Variants in RAD54L2 observed in about 807,000 individuals in gnomAD.
RAD54L2 encodes helicase ARIP4.
Under a neutral mutation model 138.4 loss-of-function variants are expected in RAD54L2, and 27 were observed. The ratio of observed to expected loss-of-function variants is 0.20; its 90% CI spans 0.14 to 0.27. The LOEUF (loss-of-function observed/expected upper bound fraction) is 0.27, where lower values mean the gene tolerates loss of function less well. Among genes scored for constraint, RAD54L2 ranks in the 10% least tolerant of loss-of-function variants. RAD54L2 has a pLI of 1.00. For missense variants in RAD54L2, 1,396 were observed against 1,890.2 expected (o/e 0.74, Z 4.85); for synonymous variants, 644 against 723.2 (o/e 0.89, Z 1.76).
At chr3:51,611,339 A>G (rs1028597488) in intron 3 of RAD54L2, 13 of 151,902 alleles carry the variant, frequency 8.6e-5, no homozygotes, top group Admixed American at 5.9e-4. Flanking sequence ...TGATACATGC[A>G]TACAATGCAT....
At chr3:51,630,191 AG>A (rs1455029416) in intron 5 of RAD54L2, 80 bp from the exon 6 acceptor site, 59 of 1,061,654 alleles carry the variant, frequency 5.6e-5, no homozygotes, top group Middle Eastern at 2.0e-4. Flanking sequence ...ATAAAAGAAA[AG>A]GGGTGGTGAA....
chr3:51,573,008 T>C (rs548804306), intron 2 of RAD54L2, among the ~76,000 whole-genome samples: 1 of 152,232 alleles, frequency 6.6e-6, no homozygotes, highest in African/African-American at 2.4e-5. Flanking sequence ...TATGTGTGTG[T>C]GTAGGAGCCT....
At chr3:51,578,829 A>G (rs1699542072) in intron 2 of RAD54L2, among the ~76,000 whole-genome samples, 1 of 152,156 alleles carries the variant, frequency 6.6e-6, no homozygotes, top group Admixed American at 6.6e-5. Flanking sequence ...TTAACAGCTC[A>G]GTGGAGGGTC....
chr3:51,546,703 G>A (rs1003358739), intron 2 of RAD54L2, among the ~76,000 whole-genome samples: 1 of 151,202 alleles, frequency 6.6e-6, no homozygotes, highest in Non-Finnish European at 1.5e-5. Context: ...AAAAATTGAT[G>A]ACATTTTGTG....
intron 7 of RAD54L2, among the ~76,000 whole-genome samples, chr3:51,631,285 G>A (rs953093591): frequency 6.6e-6 from 1 of 152,174 alleles, no homozygotes; most frequent in Non-Finnish European, 1.5e-5. Context: ...TAGAAGAGAT[G>A]TGAGAGTCAG....
At chr3:51,574,768 T>C (rs536507890) in intron 2 of RAD54L2, among the ~76,000 whole-genome samples, 11 of 152,336 alleles carry the variant, frequency 7.2e-5, no homozygotes, top group Admixed American at 4.6e-4. Context: ...ATGGGTAGAT[T>C]GTAAAAATTT....
At chr3:51,589,120 C>T (rs1164336414) in intron 2 of RAD54L2, among the ~76,000 whole-genome samples, 4 of 152,220 alleles carry the variant, frequency 2.6e-5, no homozygotes, top group Non-Finnish European at 5.9e-5. Flanking sequence ...AATGGGGTTA[C>T]ATCCTGATAA....
At chr3:51,629,629 C>T (rs760119360) in intron 5 of RAD54L2, among the ~76,000 whole-genome samples, 156 bp downstream of exon 5, 1 of 151,880 alleles carries the variant, frequency 6.6e-6, no homozygotes, top group African/African-American at 2.4e-5. Flanking sequence ...GAGGCTGAGG[C>T]AGATGGATTG....
intron 3 of RAD54L2, among the ~76,000 whole-genome samples, chr3:51,627,172 C>T (rs532543082): frequency 6.6e-6 from 1 of 152,266 alleles, no homozygotes; most frequent in African/African-American, 2.4e-5. Context: ...TAGAGTCATA[C>T]CACTGGGTAT....
chr3:51,559,318 A>G (rs1040202852), intron 2 of RAD54L2, among the ~76,000 whole-genome samples: 2 of 152,212 alleles, frequency 1.3e-5, no homozygotes, highest in Non-Finnish European at 2.9e-5. Flanking sequence ...TTGAATCTTA[A>G]TGAGGGTAGA....
At chr3:51,628,351 T>C (rs186506207) in intron 4 of RAD54L2, among the ~76,000 whole-genome samples, 16 of 152,100 alleles carry the variant, frequency 1.1e-4, no homozygotes, top group Non-Finnish European at 1.3e-4. Context: ...GAAAATAATA[T>C]AGAATCCCTG....
chr3:51,667,934 T>C lies in RAD54L2; in HGVS notation c.*4514T>C, dbSNP rs1348003079. 1 of 152,236 alleles carries C rather than the reference T, an allele frequency of 6.6e-6. No individual in the cohort carries two copies. The highest frequency in any genetic ancestry group is 2.4e-5 in the African/African-American group (1 of 41,438). 9.4% of individuals were successfully genotyped at this position (152,236 alleles called of 1,614,324 possible). ...GGAGGGGTAGCCAAGCAGGCTGCAG[T>C]GTCTGCAATGCAGAGGGCTTGGGGA... On this transcript the variant is annotated 3_prime_UTR_variant, in exon 23 of 23. Coordinates refer to ENST00000684192, the MANE Select transcript of RAD54L2 (RefSeq NM_015106.4).
chr3:51,589,743 C>G (rs1699801221), intron 2 of RAD54L2, among the ~76,000 whole-genome samples: 2 of 151,450 alleles, frequency 1.3e-5, no homozygotes, highest in Middle Eastern at 6.8e-3. Flanking sequence ...TAAATAGATA[C>G]AGAGAGTTGG....
chr3:51,565,574 C>A (rs1699196581), intron 2 of RAD54L2, among the ~76,000 whole-genome samples: 1 of 152,064 alleles, frequency 6.6e-6, no homozygotes, highest in African/African-American at 2.4e-5. Flanking sequence ...CTCCCCAGTT[C>A]AAGCATTTCT....
intron 2 of RAD54L2, among the ~76,000 whole-genome samples, chr3:51,561,749 TTCCC>T (rs1219109913): frequency 6.6e-6 from 1 of 151,854 alleles, no homozygotes; most frequent in Admixed American, 6.6e-5. Context: ...TTATTTTTTG[TTCCC>T]TATGTTGCCC....
chr3:51,621,322 G>A (rs1208130592), intron 3 of RAD54L2, among the ~76,000 whole-genome samples: 1 of 152,196 alleles, frequency 6.6e-6, no homozygotes, highest in African/African-American at 2.4e-5. Context: ...TAAGGAACTG[G>A]TTTAGACATG....
intron 3 of RAD54L2, among the ~76,000 whole-genome samples, chr3:51,593,905 T>C (rs941323947): frequency 1.3e-5 from 2 of 152,144 alleles, no homozygotes; most frequent in African/African-American, 4.8e-5. Context: ...TTTAAAGCTT[T>C]CTTTCAAACT....
intron 2 of RAD54L2, among the ~76,000 whole-genome samples, chr3:51,542,630 A>AT (rs1276616201): frequency 5.9e-5 from 9 of 151,790 alleles, no homozygotes; most frequent in Admixed American, 4.6e-4. Context: ...CACCCGGCTA[A>AT]TTTTTTGTAT....
intron 2 of RAD54L2, among the ~76,000 whole-genome samples, chr3:51,571,884 C>T (rs1243195418): frequency 6.6e-6 from 1 of 151,986 alleles, no homozygotes; most frequent in Admixed American, 6.6e-5. Context: ...AATTTTTCTG[C>T]ACTTCCTCTT....
Sources: gnomAD v4.1 joint callset for allele counts (sites outside exome capture counted in the v4.1 genomes callset) on GRCh38, gnomAD v4.1.1 for gene constraint, MANE v1.5 for transcripts, NCBI Gene and HGNC (gene_info 2026-07-23, HGNC 2026-07-21) for gene names.